ARID4B: variants seen among roughly 807,000 people sequenced by gnomAD.
ARID4B encodes the protein AT-rich interactive domain-containing protein 4B.
ARID4B carries 26 observed loss-of-function variants against 147.5 expected under a neutral mutation model. The observed-to-expected ratio is 0.18, with a 90% CI of 0.13 to 0.24. The LOEUF (loss-of-function observed/expected upper bound fraction) is 0.24, where lower values mean the gene tolerates loss of function less well. ARID4B is among the 10% of genes least tolerant of loss of function. The probability of loss-of-function intolerance (pLI) is 1.00; values close to 1 mark genes in which losing one functional copy is unlikely to be tolerated. For missense variants in ARID4B, 1,179 were observed against 1,511.5 expected (o/e 0.78, Z 3.65); for synonymous variants, 512 against 507.9 (o/e 1.01, Z -0.11).
chr1:235,280,303 T>C (rs1438519551), intron 2 of ARID4B, among the ~76,000 whole-genome samples: 1 of 152,246 alleles, frequency 6.6e-6, no homozygotes, highest in Non-Finnish European at 1.5e-5. Flanking sequence ...ACATGCTTAG[T>C]TCTTGTACAG....
chr1:235,203,836 C>T (rs939887288), intron 17 of ARID4B, among the ~76,000 whole-genome samples: 1 of 152,006 alleles, frequency 6.6e-6, no homozygotes, highest in Non-Finnish European at 1.5e-5. Flanking sequence ...CAGTGTTAAT[C>T]ATTATTAATT....
chr1:235,299,849 G>A (rs1672999848), intron 2 of ARID4B, among the ~76,000 whole-genome samples: 1 of 152,150 alleles, frequency 6.6e-6, no homozygotes, highest in Non-Finnish European at 1.5e-5. Flanking sequence ...TCATTTAGGA[G>A]CAACCAATTT....
chr1:235,240,285 T>TA, intron 8 of ARID4B, 28 bp downstream of exon 8: 1 of 1,563,902 alleles, frequency 6.4e-7, no homozygotes, highest in Non-Finnish European at 8.6e-7. Flanking sequence ...AGTTTGAAAT[T>TA]AAACTCTTGT....
intron 2 of ARID4B, among the ~76,000 whole-genome samples, chr1:235,261,463 C>T (rs1054954043): frequency 1.3e-5 from 2 of 152,044 alleles, no homozygotes; most frequent in African/African-American, 4.8e-5. Flanking sequence ...GGTCGAGACT[C>T]GAGTGAAAAG....
At chr1:235,309,876 A>AC (rs1006343079) in intron 2 of ARID4B, among the ~76,000 whole-genome samples, 4 of 152,180 alleles carry the variant, frequency 2.6e-5, no homozygotes, top group Non-Finnish European at 5.9e-5. Context: ...GACCTTACTT[A>AC]CCCCCAACCC....
rs771932156 is a variant in ARID4B, at chr1:235,223,211, G to T, written c.1020C>A (p.Leu340=). 21 of 1,593,422 alleles carry T rather than the reference G, an allele frequency of 1.3e-5. No homozygotes were observed. Among genetic ancestry groups the T allele is most frequent in the Non-Finnish European group, 1.7e-5 (20 of 1,170,798 alleles). ...RPVLGYRNLN[L]FKLFRLVHKL... ...TGTGTACAAGTCTGAATAACTTAAA[G>T]AGATTCAAATTTCGATATCCAAGTA... Residue 340 remains leucine (L), a synonymous_variant, in exon 13 of 24, where the codon CTC becomes CTA. Coordinates refer to ENST00000264183, the MANE Select transcript of ARID4B (RefSeq NM_016374.6).
chr1:235,182,579 T>C lies in ARID4B; in HGVS notation c.2340A>G (p.Glu780=). 2 of 1,612,458 alleles carry C rather than the reference T, an allele frequency of 1.2e-6. No homozygotes were observed. The highest frequency in any genetic ancestry group is 1.7e-6 in the Non-Finnish European group (2 of 1,179,656). The change falls in exon 20 of 24, where the codon GAA becomes GAG. Residue 780 remains glutamate, a synonymous_variant. Coordinates refer to ENST00000264183, the MANE Select transcript of ARID4B (RefSeq NM_016374.6). The part of the protein sequence containing the change: ...VISKPVSKSP[E]RLRKDIEVLS... ...ATACTTCTATATCTTTCCTTAATCT[T>C]TCTGGAGATTTTGACACTGGTTTGG...
At chr1:235,226,647 G>C (rs185327966) in intron 11 of ARID4B, among the ~76,000 whole-genome samples, 14 of 152,208 alleles carry the variant, frequency 9.2e-5, no homozygotes, top group Admixed American at 4.6e-4. Flanking sequence ...TCAGCCTCCT[G>C]AGTAGCTGGG....
chr1:235,216,611 G>C (rs964410844), intron 16 of ARID4B, among the ~76,000 whole-genome samples: 1 of 152,010 alleles, frequency 6.6e-6, no homozygotes, highest in African/African-American at 2.4e-5. Context: ...CCGAAGTGCA[G>C]GGATTACAGG....
At chr1:235,239,465 T>C (rs1385222087) in intron 8 of ARID4B, among the ~76,000 whole-genome samples, 2 of 152,234 alleles carry the variant, frequency 1.3e-5, no homozygotes, top group Non-Finnish European at 2.9e-5. Flanking sequence ...AGCTACAAAT[T>C]ATTTTGTCTA....
Position 235,182,720 on chromosome 1 carries a change from T to C in ARID4B, c.2199A>G (p.Lys733=). The C allele has an allele frequency of 1.9e-6, 3 of 1,613,514 alleles. No individual in the cohort carries two copies. The highest frequency in any genetic ancestry group is 2.5e-6 in the Non-Finnish European group (3 of 1,179,920). The change falls in exon 20 of 24, where the codon AAA becomes AAG. Residue 733 remains lysine, a synonymous_variant. Transcript: ENST00000264183. The part of the protein sequence containing the change: ...RGAQDMDNNG[K]EESKIDHLTN... ...TCAAATGATCAATCTTAGATTCCTC[T>C]TTGCCATTATTATCCATGTCTTGAG... is the stretch of plus-strand genomic sequence containing the variant.
chr1:235,170,313 C>G (rs1479199290), intron 23 of ARID4B, among the ~76,000 whole-genome samples: 2 of 152,152 alleles, frequency 1.3e-5, no homozygotes, highest in African/African-American at 4.8e-5. Context: ...CCACATGGCC[C>G]ACAAAGCCTA....
intron 17 of ARID4B, among the ~76,000 whole-genome samples, chr1:235,210,733 G>A (rs1666661820): frequency 6.6e-6 from 1 of 152,116 alleles, no homozygotes; most frequent in South Asian, 2.1e-4. Context: ...TGAGTTCTCA[G>A]AAATAGATGG....
chr1:235,252,536 T>C (rs909772035), intron 6 of ARID4B, among the ~76,000 whole-genome samples, 194 bp downstream of exon 6: 1 of 152,128 alleles, frequency 6.6e-6, no homozygotes, highest in African/African-American at 2.4e-5. Context: ...ACACTTTACA[T>C]AGACAAAAAA....
intron 19 of ARID4B, among the ~76,000 whole-genome samples, chr1:235,183,415 A>G (rs1664456573): frequency 6.6e-6 from 1 of 152,018 alleles, no homozygotes; most frequent in African/African-American, 2.4e-5. Context: ...TCACTGTGTT[A>G]GCCAGGATGG....
chr1:235,230,009 C>T (rs963889898), intron 10 of ARID4B, among the ~76,000 whole-genome samples: 2 of 152,206 alleles, frequency 1.3e-5, no homozygotes, highest in African/African-American at 4.8e-5. Flanking sequence ...CAACTATTTA[C>T]AGTGCCAAAA....
intron 19 of ARID4B, among the ~76,000 whole-genome samples, chr1:235,183,547 C>A (rs960498556): frequency 1.3e-5 from 2 of 151,910 alleles, no homozygotes; most frequent in African/African-American, 2.4e-5. Context: ...CTTCATTTTT[C>A]TTTTCATCAG....
At chr1:235,310,420 C>T (rs550865206) in intron 2 of ARID4B, among the ~76,000 whole-genome samples, 1 of 152,264 alleles carries the variant, frequency 6.6e-6, no homozygotes, top group African/African-American at 2.4e-5. Context: ...GCTCTGTGAT[C>T]AGTTTAATGT....
At chr1:235,220,737 C>G (rs982410340) in intron 14 of ARID4B, among the ~76,000 whole-genome samples, 192 bp from the exon 15 acceptor site, 2 of 152,006 alleles carry the variant, frequency 1.3e-5, no homozygotes, top group African/African-American at 2.4e-5. Flanking sequence ...TCATTTAAAA[C>G]ACTGTGCTCA....
Sources: gnomAD v4.1 joint callset for allele counts (sites outside exome capture counted in the v4.1 genomes callset) on GRCh38, gnomAD v4.1.1 for gene constraint, MANE v1.5 for transcripts, NCBI Gene and HGNC (gene_info 2026-07-23, HGNC 2026-07-21) for gene names.